HCFC1: variants seen among roughly 807,000 people sequenced by gnomAD.
HCFC1 encodes the protein host cell factor C1.
Under a neutral mutation model 105.5 loss-of-function variants are expected in HCFC1, and 7 were observed. The observed-to-expected ratio is 0.07, with a 90% CI of 0.04 to 0.12. The LOEUF (loss-of-function observed/expected upper bound fraction) is 0.12, where lower values mean the gene tolerates loss of function less well. HCFC1 is among the 10% of genes least tolerant of loss of function. The probability of loss-of-function intolerance (pLI) is 1.00; values close to 1 mark genes in which losing one functional copy is unlikely to be tolerated. For synonymous variants in HCFC1, 918 were observed against 828.1 expected (o/e 1.11, Z -1.86); for missense variants, 1,065 against 1,823.6 (o/e 0.58, Z 7.58).
At chrX:153,964,054 C>G (rs782379421) in intron 3 of HCFC1, 70 bp downstream of exon 3, 2 of 957,926 alleles carry the variant, frequency 2.1e-6, no homozygotes, top group African/African-American at 3.9e-5. Flanking sequence ...TTCTTTAGGA[C>G]ACCATGGAGC....
chrX:153,969,062 G>C (rs1353378814), intron 1 of HCFC1, among the ~76,000 whole-genome samples: 1 of 112,129 alleles, frequency 8.9e-6, no homozygotes, highest in African/African-American at 3.2e-5. Context: ...GCCTTTCAAA[G>C]TCAACGTGGT....
At chrX:153,951,211 G>A in intron 22 of HCFC1, 139 bp downstream of exon 22, 2 of 732,087 alleles carry the variant, frequency 2.7e-6, no homozygotes, top group South Asian at 4.9e-5. Context: ...CTTCAGGGGG[G>A]ATGGTCTCTG....
chrX:153,949,216 G>C lies in HCFC1; in HGVS notation c.*131C>G, dbSNP rs1884243686. 6.0e-6 allele frequency: 3 copies of C among 502,219 alleles called. No individual in the cohort carries two copies. The highest frequency in any genetic ancestry group is 9.4e-4 in the Middle Eastern group (2 of 2,133). The allele number at this position is 502,219 out of a possible 1,213,427, so 41.4% of individuals were successfully genotyped here. ...TTTAAAAACAGAGAGAAAGAGAAAG[G>C]GGAGAGGAGTGAACAGCGGCTCGCG... On this transcript the variant is annotated 3_prime_UTR_variant, in exon 26 of 26. Transcript: ENST00000310441.
intron 1 of HCFC1, among the ~76,000 whole-genome samples, chrX:153,968,057 G>A (rs2065489234): frequency 9.0e-6 from 1 of 111,263 alleles, no homozygotes; most frequent in African/African-American, 3.3e-5. Context: ...TTCCTCATCT[G>A]CAGAAACAAG....
Position 153,952,136 on chromosome X carries a change from G to A in HCFC1, c.4965C>T (p.Thr1655=), listed in dbSNP as rs1392892295. ...AVMGTGEPMD[T]SEAAATVTQA... ...GAGTCACGGTTGCTGCTGCCTCGGA[G>A]GTGTCCATGGGCTCGCCGGTGCCTG... Residue 1655 remains threonine, a synonymous_variant, in exon 20 of 26, where the codon ACC becomes ACT. Coordinates refer to ENST00000310441, the MANE Select transcript of HCFC1 (RefSeq NM_005334.3). 1.2e-5 allele frequency: 13 copies of A among 1,123,783 alleles called. No individual in the cohort carries two copies. In the South Asian group the frequency reaches 2.6e-4, roughly 22 times the overall value. The allele number at this position is 1,123,783 out of a possible 1,213,427, so 92.6% of individuals were successfully genotyped here.
At chrX:153,950,634 AG>A in intron 23 of HCFC1, 91 bp from the exon 24 acceptor site, 1 of 918,254 alleles carries the variant, frequency 1.1e-6, no homozygotes, top group Non-Finnish European at 1.5e-6. Context: ...TTTCTAACAC[AG>A]TAGAGATATT....
Position 153,949,265 on chromosome X carries a change from C to T in HCFC1, c.*82G>A, listed in dbSNP as rs1427036290. 3.3e-5 allele frequency: 15 copies of T among 448,620 alleles called. No homozygotes were observed. The East Asian group carries it at 3.5e-4, about 10-fold the overall frequency. The allele number at this position is 448,620 out of a possible 1,213,427, so 37.0% of individuals were successfully genotyped here. On this transcript the variant is annotated 3_prime_UTR_variant, in exon 26 of 26. Transcript: ENST00000310441. The stretch of plus-strand genomic sequence containing the variant: ...CGAGGGTGAAGTGCGAATGCTGGGA[C>T]GGGGTGGGAGGGGTGGGCCCTGGCG...
chrX:153,953,579 G>GCC, intron 18 of HCFC1, 28 bp downstream of exon 18: 1 of 1,196,297 alleles, frequency 8.4e-7, no homozygotes, highest in Non-Finnish European at 1.1e-6. Flanking sequence ...GGGAAGGCGG[G>GCC]GAAGAACACG....
Position 153,952,961 on chromosome X carries a change from G to A in HCFC1, c.4498-3C>T. 8.6e-7 allele frequency: 1 copy of A among 1,165,517 alleles called. No individual in the cohort carries two copies. Among genetic ancestry groups the A allele is most frequent in the Non-Finnish European group, 1.1e-6 (1 of 869,666 alleles). On this transcript the variant is annotated splice_polypyrimidine_tract_variant and splice_region_variant and intron_variant, in intron 18 of 25. Coordinates refer to ENST00000310441, the MANE Select transcript of HCFC1 (RefSeq NM_005334.3). ...GACACCTGGAGTTCCTCTGGGGGCT[G>A]CAGGATGTCAACAGCAGAGAAGGGC...
rs782063957 is a variant in HCFC1, at chrX:153,964,668, G to A, written c.252C>T (p.Ala84=). 5.0e-6 allele frequency: 6 copies of A among 1,200,484 alleles called. No individual in the cohort carries two copies. In the African/African-American group the frequency reaches 8.8e-5, roughly 18 times the overall value. Residue 84 remains alanine, a synonymous_variant, in exon 2 of 26, where the codon GCC becomes GCT. Transcript: ENST00000310441. ...GAGTCCCGTCACACACGAAGCCATAGGCTGCACACCCAGGGGGAATGTCCC... is the reference window on the plus strand; with the variant it reads ...GAGTCCCGTCACACACGAAGCCATAAGCTGCACACCCAGGGGGAATGTCCC... ...VRGDIPPGCA[A]YGFVCDGTRL...
intron 9 of HCFC1, 86 bp downstream of exon 9, chrX:153,959,245 A>C: frequency 2.0e-6 from 2 of 983,043 alleles, no homozygotes; most frequent in Non-Finnish European, 2.8e-6. Flanking sequence ...CCAGAGCCCG[A>C]GAGGGATGTG....
rs1557113507 is a variant in HCFC1 at position 153,954,140 on chromosome X, G to T, written c.4259C>A (p.Pro1420His). 8.3e-7 allele frequency: 1 copy of T among 1,210,338 alleles called. No homozygotes were observed. ...PFPTQRVCSN[P>H]PCETHETGTT... ...GCCCGTCTCGTGGGTCTCACAGGGG[G>T]GGTTGGAGCACACCCTCTGTGTTGG... The change falls in exon 17 of 26, where the codon CCC becomes CAC. Residue 1420 changes from proline (P) to histidine (H), a missense_variant. Coordinates refer to ENST00000310441, the MANE Select transcript of HCFC1 (RefSeq NM_005334.3).
chrX:153,963,200 G>A, intron 4 of HCFC1, 25 bp downstream of exon 4: 1 of 1,153,907 alleles, frequency 8.7e-7, no homozygotes, highest in Non-Finnish European at 1.2e-6. Context: ...TCCCATGGCT[G>A]CTGGGGTGCT....
rs201452496 is a variant in HCFC1 at position 153,951,470 on chromosome X, G to T, written c.5397C>A (p.Pro1799=). Residue 1799 remains proline (P), a synonymous_variant, in exon 22 of 26, where the codon CCC becomes CCA. Coordinates refer to ENST00000310441, the MANE Select transcript of HCFC1 (RefSeq NM_005334.3). ...TCTTCATGGGGGCTTTGCTGGGTGG[G>T]GGCGGCAGGTCTGGCTTCTGCAAGA... ...ESLGVKPDLP[P]PPSKAPMKKE... 3.4e-4 allele frequency: 417 copies of T among 1,209,563 alleles called. No individual in the cohort carries two copies. The highest frequency in any genetic ancestry group is 2.3e-4 in the Middle Eastern group (1 of 4,374).
Position 153,952,521 on chromosome X carries a change from G to A in HCFC1, c.4935C>T (p.Ala1645=), listed in dbSNP as rs782546766. ...IQAVLQAAQQ[A]VMGTGEPMDT... Reference sequence around the variant, plus strand: ...GGTTGCACCGGCACTCACCCATGACGGCCTGCTGCGCGGCCTGGAGCACCG... The same window carrying A: ...GGTTGCACCGGCACTCACCCATGACAGCCTGCTGCGCGGCCTGGAGCACCG... The change falls in exon 19 of 26, where the codon GCC becomes GCT. Residue 1645 remains alanine, a synonymous_variant. Coordinates refer to ENST00000310441, the MANE Select transcript of HCFC1 (RefSeq NM_005334.3). 53 of 1,158,697 alleles carry A rather than the reference G, an allele frequency of 4.6e-5. No individual in the cohort carries two copies. In the East Asian group the frequency reaches 1.3e-3, roughly 28 times the overall value.
chrX:153,964,808 T>A, intron 1 of HCFC1, 82 bp from the exon 2 acceptor site: 2 of 1,014,728 alleles, frequency 2.0e-6, no homozygotes, highest in Non-Finnish European at 2.6e-6. Context: ...GCCGTCAAGC[T>A]TGGTGAGAGG....
chrX:153,967,949 G>A (rs921892583), intron 1 of HCFC1, among the ~76,000 whole-genome samples: 6 of 111,449 alleles, frequency 5.4e-5, no homozygotes, highest in African/African-American at 2.0e-4. Context: ...AAAGACAGGT[G>A]GCAGAACGGC....
At position 153,958,519 on chromosome X, in the gene HCFC1, G is replaced by A. The variant is rs200680534; in HGVS notation, c.1803+50C>T. 1.2e-4 allele frequency: 126 copies of A among 1,076,710 alleles called. 1 individual carries two copies. Among genetic ancestry groups the A allele is most frequent in the Middle Eastern group, 2.5e-4 (1 of 3,946 alleles). 88.7% of individuals were successfully genotyped at this position (1,076,710 alleles called of 1,213,427 possible). A position where few individuals can be genotyped will look rare whatever the true frequency, so the allele number is the denominator to read the frequency against. On this transcript the variant is annotated intron_variant, in intron 10 of 25. Transcript: ENST00000310441. Reference sequence around the variant, plus strand: ...AACGGCTAACTCTAAAGCCCGGAGGGAATGACTATGCTTGTTTGACCACAG... The same window carrying A: ...AACGGCTAACTCTAAAGCCCGGAGGAAATGACTATGCTTGTTTGACCACAG...
At chrX:153,968,595 T>A (rs1460931134) in intron 1 of HCFC1, among the ~76,000 whole-genome samples, 1 of 112,578 alleles carries the variant, frequency 8.9e-6, no homozygotes, top group Non-Finnish European at 1.9e-5. Context: ...GAAGGCAGGC[T>A]ACCCCTCTAA....
Sources: gnomAD v4.1 joint callset for allele counts (sites outside exome capture counted in the v4.1 genomes callset) on GRCh38, gnomAD v4.1.1 for gene constraint, MANE v1.5 for transcripts, NCBI Gene and HGNC (gene_info 2026-07-23, HGNC 2026-07-21) for gene names.